The following SLC6A13 variants were observed in gnomAD, a reference collection of about 807,000 sequenced individuals.
SLC6A13 encodes the protein solute carrier family 6 member 13, also known as sodium- and chloride-dependent GABA transporter 2.
SLC6A13 carries 69 observed loss-of-function variants against 72.9 expected under a neutral mutation model. The observed-to-expected ratio is 0.95, with a 90% CI of 0.78 to 1.16. The LOEUF (loss-of-function observed/expected upper bound fraction) is 1.16, where lower values mean the gene tolerates loss of function less well. Among genes scored for constraint, SLC6A13 ranks in the 50% most tolerant of loss-of-function variants. The pLI, the probability that SLC6A13 is intolerant of heterozygous loss-of-function variation, is 0.00. For missense variants in SLC6A13, 735 were observed against 760.5 expected (o/e 0.97, Z 0.39); for synonymous variants, 303 against 303.0 (o/e 1.00, Z 0.00).
intron 4 of SLC6A13, among the ~76,000 whole-genome samples, chr12:240,802 T>C (rs566213193): frequency 6.6e-6 from 1 of 151,934 alleles, no homozygotes; most frequent in East Asian, 1.9e-4. Context: ...CTTTGAAAAA[T>C]AACGGTGGAA....
At chr12:221,171 C>A in intron 14 of SLC6A13, 101 bp from the exon 15 acceptor site, 1 of 1,445,752 alleles carries the variant, frequency 6.9e-7, no homozygotes, top group East Asian at 2.4e-5. Flanking sequence ...CACAAACCTG[C>A]CCTCCTGTCA....
At chr12:258,997 G>A (rs907781867) in intron 2 of SLC6A13, 8 of 984,804 alleles carry the variant, frequency 8.1e-6, no homozygotes, top group African/African-American at 3.5e-5. Flanking sequence ...GGTTATCAAC[G>A]TCATCATCAG....
chr12:224,349 GCACA>G, intron 10 of SLC6A13, 48 bp downstream of exon 10: 2 of 1,508,938 alleles, frequency 1.3e-6, no homozygotes, highest in Non-Finnish European at 1.8e-6. Flanking sequence ...CTCCTCCCCA[GCACA>G]CACCCCCCCA....
chr12:232,075 G>A (rs565855248), intron 7 of SLC6A13, among the ~76,000 whole-genome samples: 7 of 152,306 alleles, frequency 4.6e-5, no homozygotes, highest in South Asian at 2.1e-4. Flanking sequence ...TGCTGTGAGC[G>A]TTTGCTGAAA....
chr12:241,819 G>A (rs541177178), intron 4 of SLC6A13, among the ~76,000 whole-genome samples: 1 of 152,332 alleles, frequency 6.6e-6, no homozygotes, highest in Non-Finnish European at 1.5e-5. Flanking sequence ...AGTCGTATAA[G>A]CACAGGAGAA....
Position 235,071 on chromosome 12 carries a change from C to G in SLC6A13, c.831+19G>C. 1 of 1,614,112 alleles carries G rather than the reference C, an allele frequency of 6.2e-7. No homozygotes were observed. The highest frequency in any genetic ancestry group is 8.5e-7 in the Non-Finnish European group (1 of 1,179,984). On this transcript the variant is annotated intron_variant, in intron 7 of 14. Transcript: ENST00000343164. Reference sequence around the variant, plus strand: ...TTGCCCTGGGAGTCACGTGAGGGCTCCTGTCTGTGGCTTCTTACCTGGGGA... The same window carrying G: ...TTGCCCTGGGAGTCACGTGAGGGCTGCTGTCTGTGGCTTCTTACCTGGGGA...
chr12:236,159 TC>T (rs1340972639), intron 6 of SLC6A13, among the ~76,000 whole-genome samples: 1 of 152,228 alleles, frequency 6.6e-6, no homozygotes, highest in Admixed American at 6.5e-5. Context: ...TTTGTCCTGT[TC>T]CCTCAGAAGC....
chr12:259,565 C>T lies in SLC6A13; in HGVS notation c.202+286G>A. 2.1e-6 allele frequency: 3 copies of T among 1,398,446 alleles called. No individual in the cohort carries two copies. The African/African-American group carries it at 4.3e-5, about 20-fold the overall frequency. 86.6% of individuals were successfully genotyped at this position (1,398,446 alleles called of 1,614,324 possible). A position where few individuals can be genotyped will look rare whatever the true frequency, so the allele number is the denominator to read the frequency against. On this transcript the variant is annotated intron_variant, in intron 2 of 14. Coordinates refer to ENST00000343164, the MANE Select transcript of SLC6A13 (RefSeq NM_016615.5). Reference sequence around the variant, plus strand: ...AGCTTAAGTAACTTGTCCAAGATCACACAGAGTGTTAAGTAGCAGAGCCAG... The same window carrying T: ...AGCTTAAGTAACTTGTCCAAGATCATACAGAGTGTTAAGTAGCAGAGCCAG...
rs1379784850 is a variant in SLC6A13, at chr12:243,788, G to T, written c.228C>A (p.Val76=). ...GGGAFFIPYL[V]FLFTCGIPVF... ...CAGGAATGCCACAGGTAAAGAGGAA[G>T]ACGAGGTAGGGGATGAAGAAGGCAC... is the stretch of plus-strand genomic sequence containing the variant. The change falls in exon 3 of 15, where the codon GTC becomes GTA. Residue 76 remains valine, a synonymous_variant. Coordinates refer to ENST00000343164, the MANE Select transcript of SLC6A13 (RefSeq NM_016615.5). 6.2e-7 allele frequency: 1 copy of T among 1,614,190 alleles called. No homozygotes were observed. The highest frequency in any genetic ancestry group is 8.5e-7 in the Non-Finnish European group (1 of 1,180,012).
At chr12:224,222 C>T in intron 10 of SLC6A13, 93 bp from the exon 11 acceptor site, 1 of 1,536,330 alleles carries the variant, frequency 6.5e-7, no homozygotes, top group Non-Finnish European at 8.9e-7. Context: ...ATCAGCCCTG[C>T]CAGCCTCACT....
chr12:235,325 T>G (rs564921908), intron 6 of SLC6A13, 101 bp from the exon 7 acceptor site: 1 of 1,203,268 alleles, frequency 8.3e-7, no homozygotes, highest in East Asian at 2.4e-5. Context: ...TCAGAAAAGG[T>G]CAAGGGAGTG....
chr12:243,876 T>G, intron 2 of SLC6A13, 63 bp from the exon 3 acceptor site: 2 of 1,533,518 alleles, frequency 1.3e-6, no homozygotes, highest in Non-Finnish European at 1.8e-6. Flanking sequence ...TGCATTCACC[T>G]CCTCCCATTA....
chr12:250,045 T>C (rs1040772134), intron 2 of SLC6A13, among the ~76,000 whole-genome samples: 1 of 152,088 alleles, frequency 6.6e-6, no homozygotes, highest in Non-Finnish European at 1.5e-5. Context: ...AAAGAAAAAC[T>C]ATATGATCAT....
chr12:262,331 C>T (rs750863770), intron 1 of SLC6A13, among the ~76,000 whole-genome samples: 2 of 152,158 alleles, frequency 1.3e-5, no homozygotes, highest in Admixed American at 6.5e-5. Flanking sequence ...TAATGAATGA[C>T]TCTGAGCCTT....
chr12:233,159 G>A (rs1941782130), intron 7 of SLC6A13, among the ~76,000 whole-genome samples: 2 of 152,240 alleles, frequency 1.3e-5, no homozygotes, highest in Admixed American at 1.3e-4. Context: ...AGGAGCTCTA[G>A]GTTGCACACT....
intron 9 of SLC6A13, among the ~76,000 whole-genome samples, chr12:225,897 G>A (rs1941430426): frequency 6.6e-6 from 1 of 152,186 alleles, no homozygotes; most frequent in Admixed American, 6.5e-5. Context: ...CTGCATGGTG[G>A]AAAGGCAGTC....
chr12:239,088 C>A (rs1942052447), intron 4 of SLC6A13, among the ~76,000 whole-genome samples: 1 of 150,390 alleles, frequency 6.6e-6, no homozygotes, highest in Non-Finnish European at 1.5e-5. Context: ...CCACCCTGTT[C>A]CCTGCACACG....
At chr12:243,256 C>A (rs1591849226) in intron 3 of SLC6A13, among the ~76,000 whole-genome samples, 1 of 152,200 alleles carries the variant, frequency 6.6e-6, no homozygotes, top group African/African-American at 2.4e-5. Context: ...CTCAGGTGAT[C>A]CACCTGCCTC....
chr12:222,384 T>C, intron 13 of SLC6A13, 148 bp downstream of exon 13: 1 of 572,234 alleles, frequency 1.7e-6, no homozygotes, highest in East Asian at 3.0e-5. Flanking sequence ...GCTGTAGTTT[T>C]CTAGAATCCA....
Sources: gnomAD v4.1 joint callset for allele counts (sites outside exome capture counted in the v4.1 genomes callset) on GRCh38, gnomAD v4.1.1 for gene constraint, MANE v1.5 for transcripts, NCBI Gene and HGNC (gene_info 2026-07-23, HGNC 2026-07-21) for gene names.